XKR4: variants seen among roughly 807,000 people sequenced by gnomAD.
XKR4 encodes XK related 4.
A neutral mutation model predicts 53.9 loss-of-function variants in XKR4; 12 were observed. The ratio of observed to expected loss-of-function variants is 0.22; its 90% CI spans 0.14 to 0.36. XKR4 has a LOEUF of 0.36. Among genes scored for constraint, XKR4 ranks in the 10% least tolerant of loss-of-function variants. XKR4 has a pLI of 1.00. For missense variants in XKR4, 799 were observed against 859.5 expected, an observed-to-expected ratio of 0.93 and a Z score of 0.88; for synonymous variants, 354 against 362.4, an observed-to-expected ratio of 0.98 and a Z score of 0.26.
rs189275430 is a variant in XKR4, at chr8:55,516,569, A to G, written c.1007-6712A>G. 4.4e-3 allele frequency among the ~76,000 whole-genome samples: 664 copies of G among 152,356 alleles called. 8 individuals are homozygous for G. The highest frequency in any genetic ancestry group is 0.015 in the African/African-American group (615 of 41,588). ...GTTGGGAAGACAGGGAAATGATATG[A>G]GAAAAGCTACTGTATGGCAAATGTA... On this transcript the variant is annotated intron_variant, in intron 2 of 2. Transcript: ENST00000327381.
At chr8:55,503,225 A>G (rs1018432988) in intron 2 of XKR4, among the ~76,000 whole-genome samples, 1 of 152,082 alleles carries the variant, frequency 6.6e-6, no homozygotes, top group African/African-American at 2.4e-5. Flanking sequence ...ATTTTTGTAA[A>G]AAATGTCATT....
chr8:55,152,602 T>C (rs1285163371), intron 1 of XKR4, among the ~76,000 whole-genome samples: 3 of 152,164 alleles, frequency 2.0e-5, no homozygotes, highest in Non-Finnish European at 4.4e-5. Flanking sequence ...GTAATTTAAA[T>C]TATATACCAA....
rs1001362460 is a variant in XKR4 at position 55,103,177 on chromosome 8, G to A, written c.689G>A (p.Gly230Asp). 14 of 1,614,026 alleles carry A rather than the reference G, an allele frequency of 8.7e-6. No homozygotes were observed. Among genetic ancestry groups the A allele is most frequent in the Non-Finnish European group, 1.2e-5 (14 of 1,180,040 alleles). ...SKSNIAAANSGSNSSGATRAS... is the reference protein window; with the variant it reads ...SKSNIAAANSDSNSSGATRAS... ...AGCAACATCGCCGCGGCCAACAGCGGCAGCAACAGCAGCGGGGCTACCCGG... is the reference window on the plus strand; with the variant it reads ...AGCAACATCGCCGCGGCCAACAGCGACAGCAACAGCAGCGGGGCTACCCGG... The change falls in exon 1 of 3, where the codon GGC (glycine) becomes GAC (aspartate). Residue 230 changes from glycine (G) to aspartate (D), a missense_variant. Physicochemically the swap from Gly to Asp is moderately conservative, Grantham distance 94. This residue lies in a region of XKR4 where 476 missense variants were observed against 505.4 expected (regional missense o/e 0.94). Coordinates refer to ENST00000327381, the MANE Select transcript of XKR4 (RefSeq NM_052898.2).
At chr8:55,306,938 GA>G (rs76863433) in intron 1 of XKR4, among the ~76,000 whole-genome samples, 20,323 of 119,762 alleles carry the variant, frequency 0.17, 2,948 homozygotes, top group African/African-American at 0.41. Flanking sequence ...TCCATATGCA[GA>G]AAAAAAAAAA....
intron 2 of XKR4, among the ~76,000 whole-genome samples, chr8:55,397,161 C>T (rs140921781): frequency 0.014 from 2,124 of 152,272 alleles, 26 homozygotes; most frequent in Non-Finnish European, 0.02. Flanking sequence ...TAACTTTTTG[C>T]CTCAATTATT....
chr8:55,174,108 G>A (rs756132489), intron 1 of XKR4, among the ~76,000 whole-genome samples: 2 of 151,596 alleles, frequency 1.3e-5, no homozygotes. Flanking sequence ...TCTAGAGTTC[G>A]GTGCAGATAA....
intron 1 of XKR4, among the ~76,000 whole-genome samples, chr8:55,176,828 A>T (rs911895151): frequency 6.6e-6 from 1 of 152,140 alleles, no homozygotes; most frequent in African/African-American, 2.4e-5. Flanking sequence ...TGATGGTGAT[A>T]GGGTGAGCTG....
chr8:55,501,797 C>A (rs939404394), intron 2 of XKR4, among the ~76,000 whole-genome samples: 1 of 151,942 alleles, frequency 6.6e-6, no homozygotes, highest in African/African-American at 2.4e-5. Context: ...CATGGGTGAA[C>A]AAATATCTTT....
intron 2 of XKR4, among the ~76,000 whole-genome samples, chr8:55,444,592 G>A (rs1805318001): frequency 6.6e-6 from 1 of 152,160 alleles, no homozygotes; most frequent in Admixed American, 6.5e-5. Flanking sequence ...GCAAAAATGT[G>A]CTCCAGCATT....
chr8:55,161,182 G>A (rs1816979424), intron 1 of XKR4, among the ~76,000 whole-genome samples: 3 of 152,098 alleles, frequency 2.0e-5, no homozygotes, highest in South Asian at 2.1e-4. Context: ...ACAGCACGTG[G>A]CCATGCACAG....
At chr8:55,199,043 T>C (rs1359813868) in intron 1 of XKR4, among the ~76,000 whole-genome samples, 1 of 152,208 alleles carries the variant, frequency 6.6e-6, no homozygotes, top group Non-Finnish European at 1.5e-5. Context: ...TATCTCAATG[T>C]GGACAACAAG....
chr8:55,476,821 G>A (rs1805995566), intron 2 of XKR4, among the ~76,000 whole-genome samples: 5 of 152,108 alleles, frequency 3.3e-5, no homozygotes. Flanking sequence ...AGATCAAACT[G>A]CAAGATGGTA....
chr8:55,184,690 G>A (rs1170835821), intron 1 of XKR4, among the ~76,000 whole-genome samples: 1 of 152,198 alleles, frequency 6.6e-6, no homozygotes, highest in African/African-American at 2.4e-5. Context: ...TTAAATAAGG[G>A]TGGTGATGAT....
Position 55,524,312 on chromosome 8 carries a change from A to C in XKR4, c.*85A>C, listed in dbSNP as rs80075820. The stretch of plus-strand genomic sequence containing the variant: ...CCATAATGACACTTCATCCTAGAGC[A>C]GGGCAGTGAGCCGTGAAGTTCCTAG... On this transcript the variant is annotated 3_prime_UTR_variant, in exon 3 of 3. Coordinates refer to ENST00000327381, the MANE Select transcript of XKR4 (RefSeq NM_052898.2). The C allele has an allele frequency of 7.4e-7, 1 of 1,347,008 alleles. No individual in the cohort carries two copies. Among genetic ancestry groups the C allele is most frequent in the African/African-American group, 1.5e-5 (1 of 68,510 alleles). 83.4% of individuals were successfully genotyped at this position (1,347,008 alleles called of 1,614,324 possible). A position where few individuals can be genotyped will look rare whatever the true frequency, so the allele number is the denominator to read the frequency against.
intron 1 of XKR4, among the ~76,000 whole-genome samples, chr8:55,167,678 T>C (rs977380627): frequency 6.6e-6 from 1 of 152,154 alleles, no homozygotes; most frequent in African/African-American, 2.4e-5. Flanking sequence ...CACTAACTAG[T>C]ACAGTGTCCA....
At chr8:55,255,130 A>C (rs565003167) in intron 1 of XKR4, among the ~76,000 whole-genome samples, 2 of 152,314 alleles carry the variant, frequency 1.3e-5, no homozygotes, top group East Asian at 3.9e-4. Context: ...CCACAATTAC[A>C]TTCATGAGCT....
intron 1 of XKR4, among the ~76,000 whole-genome samples, chr8:55,169,225 C>T (rs1056678895): frequency 2.0e-5 from 3 of 152,192 alleles, no homozygotes; most frequent in African/African-American, 7.2e-5. Flanking sequence ...GAAAACTTGT[C>T]TATCTTATTT....
intron 1 of XKR4, among the ~76,000 whole-genome samples, chr8:55,298,915 G>T (rs934057969): frequency 1.3e-5 from 2 of 152,186 alleles, no homozygotes; most frequent in African/African-American, 4.8e-5. Flanking sequence ...TAAGGAACAA[G>T]GTTATTCTCT....
intron 1 of XKR4, among the ~76,000 whole-genome samples, chr8:55,308,254 A>C (rs868118792): frequency 6.6e-6 from 1 of 152,160 alleles, no homozygotes; most frequent in Non-Finnish European, 1.5e-5. Context: ...CTCCATCTCA[A>C]AAAACAAAAA....
Sources: gnomAD v4.1 joint callset for allele counts (sites outside exome capture counted in the v4.1 genomes callset) on GRCh38, gnomAD v4.1.1 for gene constraint, gnomAD v4.1.1 regional missense constraint, MANE v1.5 for transcripts, NCBI Gene and HGNC (gene_info 2026-07-23, HGNC 2026-07-21) for gene names.